SH3RF1: variants seen among roughly 807,000 people sequenced by gnomAD.
The protein encoded by SH3RF1 is SH3 domain containing ring finger 1, also known as E3 ubiquitin-protein ligase SH3RF1.
In SH3RF1, 32 loss-of-function variants were observed where a neutral mutation model predicts 74.0. That is an observed-to-expected ratio of 0.43 (90% CI 0.33 to 0.58). The LOEUF is 0.58. Ranked by LOEUF, SH3RF1 falls within the 20% of genes least tolerant of loss-of-function variation. The probability of loss-of-function intolerance (pLI) is 0.05; values close to 1 mark genes in which losing one functional copy is unlikely to be tolerated. For synonymous variants in SH3RF1, 396 were observed against 439.6 expected (o/e 0.90, Z 1.24); for missense variants, 954 against 1,130.9 (o/e 0.84, Z 2.24).
chr4:169,155,222 A>T (rs1432939726), intron 4 of SH3RF1, among the ~76,000 whole-genome samples: 1 of 152,098 alleles, frequency 6.6e-6, no homozygotes, highest in Non-Finnish European at 1.5e-5. Context: ...GGTGACTGAC[A>T]ATAAGCATAC....
chr4:169,124,676 T>G (rs1180643016), intron 6 of SH3RF1, among the ~76,000 whole-genome samples: 1 of 152,236 alleles, frequency 6.6e-6, no homozygotes, highest in Non-Finnish European at 1.5e-5. Context: ...AAAATCAGAT[T>G]CCTAGATGTT....
intron 2 of SH3RF1, among the ~76,000 whole-genome samples, chr4:169,192,044 T>G (rs914253524): frequency 3.9e-5 from 6 of 152,090 alleles, no homozygotes; most frequent in African/African-American, 1.4e-4. Flanking sequence ...ATTAAATAGC[T>G]GGGACTTAAT....
At chr4:169,212,135 G>A (rs1730388126) in intron 2 of SH3RF1, among the ~76,000 whole-genome samples, 1 of 126,230 alleles carries the variant, frequency 7.9e-6, no homozygotes. Flanking sequence ...CACGATATCA[G>A]CTCACTGCAA....
chr4:169,170,757 C>A (rs1258605341), intron 2 of SH3RF1, among the ~76,000 whole-genome samples: 1 of 152,138 alleles, frequency 6.6e-6, no homozygotes, highest in East Asian at 1.9e-4. Context: ...CATCAGATCA[C>A]CTGTCTGATC....
intron 2 of SH3RF1, among the ~76,000 whole-genome samples, chr4:169,175,128 A>G (rs545404307): frequency 3.9e-5 from 6 of 152,104 alleles, no homozygotes; most frequent in Non-Finnish European, 8.8e-5. Flanking sequence ...TTCACATTGC[A>G]CATCCACTTA....
At chr4:169,099,458 A>G (rs927255197) in intron 11 of SH3RF1, among the ~76,000 whole-genome samples, 1 of 152,344 alleles carries the variant, frequency 6.6e-6, no homozygotes, top group South Asian at 2.1e-4. Context: ...TCCAGATGAC[A>G]TTTCTCAAGT....
At chr4:169,119,242 T>TAC (rs1733397767) in intron 8 of SH3RF1, among the ~76,000 whole-genome samples, 1 of 150,900 alleles carries the variant, frequency 6.6e-6, no homozygotes, top group Admixed American at 6.6e-5. Context: ...TAGCTGGGTC[T>TAC]ACAGGCACGT....
chr4:169,127,576 G>A (rs537819526), intron 6 of SH3RF1, among the ~76,000 whole-genome samples: 1 of 152,322 alleles, frequency 6.6e-6, no homozygotes, highest in East Asian at 1.9e-4. Context: ...TGACAGACAG[G>A]TTTGTTTATA....
chr4:169,143,931 T>C (rs1733828087), intron 4 of SH3RF1, among the ~76,000 whole-genome samples: 1 of 152,180 alleles, frequency 6.6e-6, no homozygotes, highest in African/African-American at 2.4e-5. Context: ...AAAAAGAATT[T>C]TAGCTGAGGT....
chr4:169,244,453 C>A (rs1161716011), intron 2 of SH3RF1, among the ~76,000 whole-genome samples: 2 of 152,126 alleles, frequency 1.3e-5, no homozygotes, highest in African/African-American at 4.8e-5. Flanking sequence ...CTCTTTCTAC[C>A]CAATTCTAGA....
intron 5 of SH3RF1, among the ~76,000 whole-genome samples, chr4:169,134,008 G>A (rs1362994367): frequency 1.3e-5 from 2 of 152,120 alleles, no homozygotes; most frequent in African/African-American, 4.8e-5. Context: ...GTTTTTGCAC[G>A]TCACAAATGC....
chr4:169,214,009 T>G (rs1177833487), intron 2 of SH3RF1, among the ~76,000 whole-genome samples: 1 of 152,212 alleles, frequency 6.6e-6, no homozygotes, highest in Non-Finnish European at 1.5e-5. Flanking sequence ...TTTTGCCTCT[T>G]CATATAAACT....
At chr4:169,101,892 G>C (rs1733043251) in intron 11 of SH3RF1, among the ~76,000 whole-genome samples, 1 of 152,214 alleles carries the variant, frequency 6.6e-6, no homozygotes, top group South Asian at 2.1e-4. Flanking sequence ...AAGAAACAGA[G>C]TCTTGCAATA....
rs550746113 is a variant in SH3RF1, at chr4:169,159,508, A to G, written c.394-2829T>C. 5.3e-5 allele frequency among the ~76,000 whole-genome samples: 8 copies of G among 152,324 alleles called. 1 individual carries two copies. The South Asian group carries it at 1.2e-3, about 24-fold the overall frequency. On this transcript the variant is annotated intron_variant, in intron 2 of 11. Transcript: ENST00000284637. ...CTGGAAGCACAAACTCCAGAGCCAGATTGCAGGGTGTGAATCCCATTTACT... is the reference window on the plus strand; with the variant it reads ...CTGGAAGCACAAACTCCAGAGCCAGGTTGCAGGGTGTGAATCCCATTTACT...
rs1561039396 is a variant in SH3RF1, at chr4:169,156,692, AAG to A, written c.394-15_394-14del. On this transcript the variant is annotated splice_polypyrimidine_tract_variant and intron_variant, in intron 2 of 11. Coordinates refer to ENST00000284637, the MANE Select transcript of SH3RF1 (RefSeq NM_020870.4). ...ACTGAGGTATACCCTTTAAAAAAAAAAGAGGGATGAATTTTAATAAAATAATG... is the reference window on the plus strand; with the variant it reads ...ACTGAGGTATACCCTTTAAAAAAAAAAGGGATGAATTTTAATAAAATAATG... The A allele has an allele frequency of 1.9e-6, 3 of 1,552,010 alleles. No individual in the cohort carries two copies. Among genetic ancestry groups the A allele is most frequent in the South Asian group, 2.4e-5 (2 of 82,388 alleles).
At chr4:169,261,457 G>A (rs1205753915) in intron 2 of SH3RF1, among the ~76,000 whole-genome samples, 1 of 152,124 alleles carries the variant, frequency 6.6e-6, no homozygotes, top group Non-Finnish European at 1.5e-5. Context: ...TGCAGGTAAG[G>A]GAAGGAAGCA....
At chr4:169,184,180 C>A (rs555864940) in intron 2 of SH3RF1, among the ~76,000 whole-genome samples, 1 of 152,310 alleles carries the variant, frequency 6.6e-6, no homozygotes, top group Admixed American at 6.5e-5. Context: ...TCCCCTACTT[C>A]TGAAATCCAT....
chr4:169,248,261 G>A lies in SH3RF1; in HGVS notation c.393+20559C>T, dbSNP rs796440958. 5.9e-5 allele frequency among the ~76,000 whole-genome samples: 9 copies of A among 152,248 alleles called. No homozygotes were observed. The East Asian group carries it at 1.2e-3, about 20-fold the overall frequency. On this transcript the variant is annotated intron_variant, in intron 2 of 11. Transcript: ENST00000284637. ...CCCAAATGCCCATTAATGATAGACC[G>A]CATAAAGAAAATGTGGCACATATGC... is the stretch of plus-strand genomic sequence containing the variant.
Position 169,268,853 on chromosome 4 carries a change from C to T in SH3RF1, c.360G>A (p.Gln120=). The T allele has an allele frequency of 6.2e-7, 1 of 1,608,486 alleles. No individual in the cohort carries two copies. The highest frequency in any genetic ancestry group is 8.5e-7 in the Non-Finnish European group (1 of 1,177,978). The change falls in exon 2 of 12, where the codon CAG becomes CAA. Residue 120 remains glutamine, a synonymous_variant. Coordinates refer to ENST00000284637, the MANE Select transcript of SH3RF1 (RefSeq NM_020870.4). ...GGGGGCTCCAGGATTGCACCCGAGG[C>T]TGCTGTCCGCCCTGGGAGCTCTGCA... is the stretch of plus-strand genomic sequence containing the variant. ...KDLQSSQGGQ[Q]PRVQSWSPPV...
Sources: allele counts gnomAD v4.1 joint callset (sites outside exome capture counted in the v4.1 genomes callset), GRCh38; gene constraint gnomAD v4.1.1; transcripts MANE v1.5; gene names NCBI Gene and HGNC (gene_info 2026-07-23, HGNC 2026-07-21).